The following C9orf85 variants were observed in gnomAD, a reference collection of about 807,000 sequenced individuals.
The protein encoded by C9orf85 is chromosome 9 open reading frame 85.
Under a neutral mutation model 14.9 loss-of-function variants are expected in C9orf85, and 16 were observed. That is an observed-to-expected ratio of 1.08 (90% CI 0.73 to 1.63). C9orf85 has a LOEUF of 1.63. Among genes scored for constraint, C9orf85 ranks in the 40% most tolerant of loss-of-function variants. The pLI is 0.00. For synonymous variants in C9orf85, 45 were observed against 56.8 expected (o/e 0.79, Z 0.93); for missense variants, 172 against 186.1 (o/e 0.92, Z 0.44).
intron 2 of C9orf85, among the ~76,000 whole-genome samples, chr9:71,964,017 C>G (rs987359201): frequency 6.6e-6 from 1 of 152,128 alleles, no homozygotes; most frequent in Non-Finnish European, 1.5e-5. Flanking sequence ...CTGGTGGGGA[C>G]GTGGAGAACC....
intron 1 of C9orf85, among the ~76,000 whole-genome samples, chr9:71,914,291 C>T (rs948406284): frequency 1.4e-4 from 21 of 151,928 alleles, no homozygotes; most frequent in Non-Finnish European, 5.9e-5. Context: ...AACACAAATT[C>T]GTAAATTTTC....
chr9:71,982,005 A>G (rs1485444461), intron 3 of C9orf85, among the ~76,000 whole-genome samples: 1 of 152,188 alleles, frequency 6.6e-6, no homozygotes, highest in Admixed American at 6.5e-5. Context: ...CCAGTTTTAG[A>G]ACATTTCCAT....
intron 1 of C9orf85, among the ~76,000 whole-genome samples, chr9:71,913,457 A>G (rs1306057769): frequency 1.3e-5 from 2 of 152,194 alleles, no homozygotes; most frequent in African/African-American, 4.8e-5. Context: ...GAAGGGCAAC[A>G]CAGCTCAGTA....
At chr9:71,965,705 T>G (rs1177356303) in intron 2 of C9orf85, among the ~76,000 whole-genome samples, 1 of 152,174 alleles carries the variant, frequency 6.6e-6, no homozygotes, top group Non-Finnish European at 1.5e-5. Context: ...GGTGCTGGGT[T>G]TACAGGCATG....
chr9:71,975,992 G>T (rs942578568), downstream of C9orf85, among the ~76,000 whole-genome samples: 2 of 152,138 alleles, frequency 1.3e-5, no homozygotes, highest in East Asian at 1.9e-4. Context: ...TAATTCCTCA[G>T]ATGACTTTAC....
In C9orf85 at chr9:71,927,321, G is replaced by C. The variant is rs540535192; in HGVS notation, c.102+15485G>C. ...AGGGGTGTACTCCAGAATATAAAAA[G>C]ATGCGAGAGAAGAAACTGATGAACC... On this transcript the variant is annotated intron_variant, in intron 1 of 3. Transcript: ENST00000334731. Among the ~76,000 whole-genome samples, 4 of 144,822 alleles carry C rather than the reference G, an allele frequency of 2.8e-5. No homozygotes were observed. The East Asian group carries it at 8.1e-4, about 29-fold the overall frequency.
rs570534477 is a variant in C9orf85, at chr9:71,943,535, TTTTTTTG to T, written c.103-3457_103-3451del. ...TGAAGTCCTTTCTCGCCCAGCTTCT[TTTTTTTG>T]TTTTTTGTTTTTTTTTTGAGAAGGA... On this transcript the variant is annotated intron_variant, in intron 1 of 3. Transcript: ENST00000334731. 3.5e-3 allele frequency among the ~76,000 whole-genome samples: 539 copies of T among 152,058 alleles called. 4 individuals carry two copies. The highest frequency in any genetic ancestry group is 0.012 in the African/African-American group (514 of 41,500).
chr9:71,965,365 G>A (rs568054221), intron 2 of C9orf85, among the ~76,000 whole-genome samples: 24 of 152,194 alleles, frequency 1.6e-4, no homozygotes, highest in Admixed American at 6.5e-5. Context: ...AGGTGGATGC[G>A]GTCACCTTCC....
chr9:71,912,478 C>A (rs1196298510), intron 1 of C9orf85, among the ~76,000 whole-genome samples: 1 of 152,134 alleles, frequency 6.6e-6, no homozygotes, highest in East Asian at 1.9e-4. Context: ...GGCGCCGTGG[C>A]TCAAAGTGCT....
chr9:71,941,381 A>C (rs1006869444), intron 1 of C9orf85, among the ~76,000 whole-genome samples: 3 of 152,236 alleles, frequency 2.0e-5, no homozygotes, highest in African/African-American at 4.8e-5. Context: ...ACAAGGCAAG[A>C]ACTGGACAGT....
chr9:71,929,150 C>T lies in C9orf85; in HGVS notation c.102+17314C>T, dbSNP rs146330868. 9.0e-4 allele frequency among the ~76,000 whole-genome samples: 137 copies of T among 152,198 alleles called. No homozygotes were observed. In the South Asian group the frequency reaches 0.014, roughly 15 times the overall value. ...ACACCTGCCCCAAGTAAATGACTTA[C>T]GAAGCAGATTTTTTTTAAAGACAAA... On this transcript the variant is annotated intron_variant, in intron 1 of 3. Transcript: ENST00000334731.
At chr9:71,975,882 C>G (rs889829883), downstream of C9orf85, among the ~76,000 whole-genome samples, 1 of 152,098 alleles carries the variant, frequency 6.6e-6, no homozygotes, top group African/African-American at 2.4e-5. Flanking sequence ...TCCTTTTTTG[C>G]ATATAAACTT....
chr9:71,912,499 C>T (rs1357046750), intron 1 of C9orf85, among the ~76,000 whole-genome samples: 1 of 152,252 alleles, frequency 6.6e-6, no homozygotes. Flanking sequence ...GTAATCCCAG[C>T]ACTTTGGGAG....
chr9:71,968,520 T>G (rs1564100308), intron 2 of C9orf85, among the ~76,000 whole-genome samples: 2 of 152,192 alleles, frequency 1.3e-5, no homozygotes, highest in Non-Finnish European at 2.9e-5. Flanking sequence ...TGAGTTTTGA[T>G]ATTCTTTCTT....
intron 1 of C9orf85, chr9:71,941,993 G>A (rs1197881246): frequency 6.6e-6 from 1 of 152,184 alleles, no homozygotes; most frequent in Admixed American, 6.5e-5. Flanking sequence ...TAGTATTATT[G>A]TTTCCACTGT....
chr9:71,931,399 T>C (rs1828067304), intron 1 of C9orf85, among the ~76,000 whole-genome samples: 1 of 152,162 alleles, frequency 6.6e-6, no homozygotes, highest in Non-Finnish European at 1.5e-5. Context: ...GTGTTTAGTC[T>C]GTAAACACTG....
At chr9:71,984,257 A>T (rs1302193120), downstream of C9orf85, 1 of 152,144 alleles carries the variant, frequency 6.6e-6, no homozygotes. Flanking sequence ...ATATGTCCTT[A>T]TTCAAAAATT....
rs1827679331 is a variant in C9orf85 at position 71,917,508 on chromosome 9, C to T, written c.102+5672C>T. Among the ~76,000 whole-genome samples the T allele has an allele frequency of 2.6e-5, 4 of 152,226 alleles. No homozygotes were observed. The South Asian group carries it at 6.2e-4, about 24-fold the overall frequency. On this transcript the variant is annotated intron_variant, in intron 1 of 3. Transcript: ENST00000334731. The stretch of plus-strand genomic sequence containing the variant: ...AGCAGAACAGGATTCTGTGTTTACA[C>T]ACACCTTTATTCACAGTTGTCAAAA...
rs181260035 is a variant in C9orf85, at chr9:71,945,978, T to C, written c.103-1028T>C. Among the ~76,000 whole-genome samples, 4 of 152,314 alleles carry C rather than the reference T, an allele frequency of 2.6e-5. No individual in the cohort carries two copies. In the East Asian group the frequency reaches 5.8e-4, roughly 22 times the overall value. On this transcript the variant is annotated intron_variant, in intron 1 of 3. Coordinates refer to ENST00000334731, the MANE Select transcript of C9orf85 (RefSeq NM_182505.5). ...AGTATGTTACAAAAATATAAAACTATTAGAGAAAATACATGACACATTTAA... is the reference window on the plus strand; with the variant it reads ...AGTATGTTACAAAAATATAAAACTACTAGAGAAAATACATGACACATTTAA...
Sources: allele counts gnomAD v4.1 joint callset (sites outside exome capture counted in the v4.1 genomes callset), GRCh38; gene constraint gnomAD v4.1.1; transcripts MANE v1.5; gene names NCBI Gene and HGNC (gene_info 2026-07-23, HGNC 2026-07-21).